Variants in MARVELD2 observed in about 807,000 individuals in gnomAD.
The protein encoded by MARVELD2 is MARVEL domain containing 2.
MARVELD2 carries 49 observed loss-of-function variants against 57.6 expected under a neutral mutation model. The observed-to-expected ratio is 0.85, with a 90% CI of 0.68 to 1.08. The LOEUF (loss-of-function observed/expected upper bound fraction) is 1.08, where lower values mean the gene tolerates loss of function less well. Among genes scored for constraint, MARVELD2 ranks in the 50% least tolerant of loss-of-function variants. MARVELD2 has a pLI of 0.00. For synonymous variants in MARVELD2, 238 were observed against 258.8 expected (o/e 0.92, Z 0.77); for missense variants, 606 against 701.1 (o/e 0.86, Z 1.53).
rs368509454 is a variant in MARVELD2 at position 69,424,536 on chromosome 5, A to T, written c.1147-65A>T. 84 of 1,352,206 alleles carry T rather than the reference A, an allele frequency of 6.2e-5. No homozygotes were observed. In the African/African-American group the frequency reaches 1.1e-3, roughly 17 times the overall value. The allele number at this position is 1,352,206 out of a possible 1,614,324, so 83.8% of individuals were successfully genotyped here. On this transcript the variant is annotated intron_variant, in intron 2 of 6. Coordinates refer to ENST00000325631, the MANE Select transcript of MARVELD2 (RefSeq NM_001038603.3). Reference sequence around the variant, plus strand: ...GAGGTTGGGCTATAAATGCAAATGGATGAAAATATTTGCAAAGTAGCTTCA... The same window carrying T: ...GAGGTTGGGCTATAAATGCAAATGGTTGAAAATATTTGCAAAGTAGCTTCA...
chr5:69,441,423 C>T, intron 6 of MARVELD2, 109 bp from the exon 7 acceptor site: 1 of 1,255,392 alleles, frequency 8.0e-7, no homozygotes, highest in Non-Finnish European at 1.1e-6. Context: ...TCAGAATCTG[C>T]TGTAGAGACT....
At chr5:69,418,209 A>G (rs977612018) in intron 1 of MARVELD2, among the ~76,000 whole-genome samples, 1 of 152,196 alleles carries the variant, frequency 6.6e-6, no homozygotes, top group Non-Finnish European at 1.5e-5. Context: ...GCCCAGTTTA[A>G]GTCTTCAATA....
chr5:69,417,054 C>T (rs1766451848), intron 1 of MARVELD2, among the ~76,000 whole-genome samples: 1 of 152,232 alleles, frequency 6.6e-6, no homozygotes, highest in East Asian at 1.9e-4. Context: ...TTTGCTGCTG[C>T]CACAGTAGCT....
intron 1 of MARVELD2, among the ~76,000 whole-genome samples, chr5:69,417,052 T>C (rs893048495): frequency 1.3e-5 from 2 of 152,250 alleles, no homozygotes; most frequent in African/African-American, 2.4e-5. Context: ...ACTTTGCTGC[T>C]GCCACAGTAG....
rs11345515 is a variant in MARVELD2, at chr5:69,433,153, CTTTTTTTTT to C, written c.1503+76_1503+84del. The C allele has an allele frequency of 3.2e-3, 1,507 of 478,152 alleles. 9 individuals carry two copies. In the African/African-American group the frequency reaches 0.032, roughly 10 times the overall value. 29.6% of individuals were successfully genotyped at this position (478,152 alleles called of 1,614,324 possible). ...AATCTAGAGGATGAATAAAATCTGGCTTTTTTTTTTTTTTTTTTTTTTTTCTGTGAGACA... is the reference window on the plus strand; with the variant it reads ...AATCTAGAGGATGAATAAAATCTGGCTTTTTTTTTTTTTTTCTGTGAGACA... On this transcript the variant is annotated intron_variant, in intron 5 of 6. Transcript: ENST00000325631.
chr5:69,420,667 T>C (rs1396325449), intron 2 of MARVELD2, 136 bp downstream of exon 2: 16 of 865,166 alleles, frequency 1.8e-5, no homozygotes, highest in Admixed American at 7.7e-5. Flanking sequence ...TTTTTTTTTT[T>C]CAATGGTCTG....
chr5:69,417,154 G>A (rs1327215284), intron 1 of MARVELD2, among the ~76,000 whole-genome samples: 1 of 152,204 alleles, frequency 6.6e-6, no homozygotes, highest in African/African-American at 2.4e-5. Flanking sequence ...ACTTGTCCCT[G>A]ATAATGGCCT....
rs757531488 is a variant in MARVELD2, at chr5:69,419,676, C to T, written c.291C>T (p.Pro97=). 1.6e-5 allele frequency: 26 copies of T among 1,613,962 alleles called. No individual in the cohort carries two copies. Among genetic ancestry groups the T allele is most frequent in the South Asian group, 7.7e-5 (7 of 91,092 alleles). ...KNFFRGKKKD[P]EWDKPVSDIR... ...TTTTCAGAGGGAAGAAAAAGGACCC[C>T]GAATGGGATAAGCCGGTGTCTGATA... Residue 97 remains proline (P), a synonymous_variant, in exon 2 of 7, where the codon CCC becomes CCT. Coordinates refer to ENST00000325631, the MANE Select transcript of MARVELD2 (RefSeq NM_001038603.3).
intron 2 of MARVELD2, among the ~76,000 whole-genome samples, chr5:69,421,739 G>T (rs1766632319): frequency 6.6e-6 from 1 of 151,406 alleles, no homozygotes. Context: ...TGGGATTACA[G>T]GTGTGAGCCA....
chr5:69,441,523 C>T lies in MARVELD2; in HGVS notation c.1555-9C>T. ...AGGAGCCAAAATAATACTTATATTT[C>T]TTTTACAGGATCCTACATTTCTGGA... On this transcript the variant is annotated splice_polypyrimidine_tract_variant and intron_variant, in intron 6 of 6. Coordinates refer to ENST00000325631, the MANE Select transcript of MARVELD2 (RefSeq NM_001038603.3). 1 of 1,609,094 alleles carries T rather than the reference C, an allele frequency of 6.2e-7. No homozygotes were observed. The highest frequency in any genetic ancestry group is 8.5e-7 in the Non-Finnish European group (1 of 1,176,888).
chr5:69,415,820 C>T (rs1280302338), intron 1 of MARVELD2: 2 of 152,286 alleles, frequency 1.3e-5, no homozygotes, highest in African/African-American at 4.8e-5. Flanking sequence ...CCGCGGCTTT[C>T]CAAGATGAGT....
chr5:69,433,153 C>CTTTT (rs11345515), intron 5 of MARVELD2, 60 bp downstream of exon 5: 1,811 of 474,788 alleles, frequency 3.8e-3, no homozygotes, highest in South Asian at 7.7e-3. Context: ...TAAAATCTGG[C>CTTTT]TTTTTTTTTT....
chr5:69,418,051 T>C (rs760920741), intron 1 of MARVELD2, among the ~76,000 whole-genome samples: 1 of 152,082 alleles, frequency 6.6e-6, no homozygotes, highest in Non-Finnish European at 1.5e-5. Context: ...GAGGCTGCAG[T>C]GAGCTATGAT....
In MARVELD2 at chr5:69,443,664, G is replaced by C. The variant is rs989249179; in HGVS notation, c.*2010G>C. 2 of 152,170 alleles carry C rather than the reference G, an allele frequency of 1.3e-5. No homozygotes were observed. Among genetic ancestry groups the C allele is most frequent in the Admixed American group, 6.5e-5 (1 of 15,268 alleles). The allele number at this position is 152,170 out of a possible 1,614,324, so 9.4% of individuals were successfully genotyped here. A position where few individuals can be genotyped will look rare whatever the true frequency, so the allele number is the denominator to read the frequency against. On this transcript the variant is annotated 3_prime_UTR_variant, in exon 7 of 7. Transcript: ENST00000325631. Reference sequence around the variant, plus strand: ...CATCTATCATGTAGATAAATTCCCAGGTGTAGCATTACAGCTTCTGACTAA... The same window carrying C: ...CATCTATCATGTAGATAAATTCCCACGTGTAGCATTACAGCTTCTGACTAA...
chr5:69,424,473 G>A, intron 2 of MARVELD2, 128 bp from the exon 3 acceptor site: 1 of 762,512 alleles, frequency 1.3e-6, no homozygotes, highest in Non-Finnish European at 2.3e-6. Context: ...AAAAGGATGA[G>A]AAACACCCGT....
intron 5 of MARVELD2, among the ~76,000 whole-genome samples, chr5:69,436,176 A>G (rs1767131522): frequency 6.6e-6 from 1 of 152,088 alleles, no homozygotes; most frequent in Non-Finnish European, 1.5e-5. Context: ...ATGTATGATT[A>G]AATTTTAAAA....
chr5:69,431,117 C>CTT lies in MARVELD2; in HGVS notation c.1183-1396_1183-1395dup, dbSNP rs1316832807. On this transcript the variant is annotated intron_variant, in intron 3 of 6. Coordinates refer to ENST00000325631, the MANE Select transcript of MARVELD2 (RefSeq NM_001038603.3). ...GCCTCAACCTCACTTCTTTTCTTTT[C>CTT]TTTTTTTTTTTTTTTGAGACAGAGT... 1.2e-4 allele frequency among the ~76,000 whole-genome samples: 16 copies of CTT among 132,740 alleles called. 1 individual carries two copies. The South Asian group carries it at 1.7e-3, about 14-fold the overall frequency. The allele number at this position is 132,740 out of a possible 152,430, so 87.1% of individuals were successfully genotyped here.
intron 3 of MARVELD2, among the ~76,000 whole-genome samples, chr5:69,425,071 A>G (rs554133852): frequency 6.6e-6 from 1 of 151,910 alleles, no homozygotes; most frequent in Admixed American, 6.6e-5. Flanking sequence ...GCCATAAAAA[A>G]TGATGAATTC....
At chr5:69,433,309 C>T (rs1170293678) in intron 5 of MARVELD2, among the ~76,000 whole-genome samples, 2 of 151,592 alleles carry the variant, frequency 1.3e-5, no homozygotes, top group African/African-American at 2.4e-5. Flanking sequence ...ATTACAGGCA[C>T]ATGCCACCAC....
Sources: allele counts gnomAD v4.1 joint callset (sites outside exome capture counted in the v4.1 genomes callset), GRCh38; gene constraint gnomAD v4.1.1; transcripts MANE v1.5; gene names NCBI Gene and HGNC (gene_info 2026-07-23, HGNC 2026-07-21).